Variants in ANO8 observed in about 807,000 individuals in gnomAD.
ANO8 encodes the protein anoctamin 8, also known as anoctamin-8.
Under a neutral mutation model 120.4 loss-of-function variants are expected in ANO8, and 67 were observed. That is an observed-to-expected ratio of 0.56 (90% confidence interval 0.46 to 0.68). The LOEUF is 0.68. Ranked by LOEUF, ANO8 falls within the 30% of genes least tolerant of loss-of-function variation. The pLI, the probability that ANO8 is intolerant of heterozygous loss-of-function variation, is 0.00. For synonymous variants in ANO8, 727 were observed against 759.2 expected, an observed-to-expected ratio of 0.96 and a Z score of 0.70; for missense variants, 1,526 against 1,737.6, an observed-to-expected ratio of 0.88 and a Z score of 2.16.
rs1296547609 is a variant in ANO8 at position 17,324,711 on chromosome 19, T to C, written c.3331+6A>G. 2 of 1,519,122 alleles carry C rather than the reference T, an allele frequency of 1.3e-6. No homozygotes were observed. The highest frequency in any genetic ancestry group is 1.4e-5 in the African/African-American group (1 of 71,792). The allele number at this position is 1,519,122 out of a possible 1,614,324, so 94.1% of individuals were successfully genotyped here. ...GCGTCCCCACCCCCGAGTTAAAGCTTGTGACCTGAGCCTTCCTCTTCGGGC... is the reference window on the plus strand; with the variant it reads ...GCGTCCCCACCCCCGAGTTAAAGCTCGTGACCTGAGCCTTCCTCTTCGGGC... On this transcript the variant is annotated splice_donor_region_variant and intron_variant, in intron 17 of 17. Coordinates refer to ENST00000159087, the MANE Select transcript of ANO8 (RefSeq NM_020959.3).
chr19:17,327,372 C>A, intron 15 of ANO8, 27 bp from the exon 16 acceptor site: 1 of 1,550,200 alleles, frequency 6.5e-7, no homozygotes, highest in Non-Finnish European at 8.7e-7. Context: ...GAGGAGGCTG[C>A]AGGCTGCAGA....
chr19:17,331,183 C>A lies in ANO8; in HGVS notation c.736G>T (p.Ala246Ser), dbSNP rs368734165. The change falls in exon 7 of 18, where the codon GCC becomes TCC. Residue 246 changes from alanine to serine, a missense_variant. This residue lies in a region of ANO8 where 322 missense variants were observed against 431.8 expected (regional missense o/e 0.75). Coordinates refer to ENST00000159087, the MANE Select transcript of ANO8 (RefSeq NM_020959.3). ...AAGCCCAGCCAGGCGAAGTACATGG[C>A]AATTTTCACACCAAAGTAATCACAG... ...DICDYFGVKI[A>S]MYFAWLGFYT... The A allele has an allele frequency of 3.1e-6, 5 of 1,614,064 alleles. No homozygotes were observed. In the African/African-American group the frequency reaches 4.0e-5, roughly 13 times the overall value.
Position 17,330,005 on chromosome 19 carries a change from C to T in ANO8, c.1283G>A (p.Arg428Gln). The change falls in exon 11 of 18, where the codon CGG becomes CAG. Residue 428 changes from arginine (R) to glutamine (Q), a missense_variant. Arg to Gln is a conservative substitution (Grantham distance 43). Around this residue, in one of 8 missense-constraint regions of ANO8, gnomAD observed 23 missense variants for 53.3 expected, o/e 0.43. Transcript: ENST00000159087. Reference sequence around the variant, plus strand: ...GTGCTTCTCATAGGCGCTCTCCAGCCGGTAATTTTCTAGGGGCCAAGGGGG... The same window carrying T: ...GTGCTTCTCATAGGCGCTCTCCAGCTGGTAATTTTCTAGGGGCCAAGGGGG... ...AIWLNDMENYRLESAYEKHLI... is the reference protein window; with the variant it reads ...AIWLNDMENYQLESAYEKHLI... 1.2e-6 allele frequency: 2 copies of T among 1,613,936 alleles called. No homozygotes were observed. Among genetic ancestry groups the T allele is most frequent in the South Asian group, 1.1e-5 (1 of 91,066 alleles).
chr19:17,328,767 C>T lies in ANO8; in HGVS notation c.1621G>A (p.Gly541Arg), dbSNP rs2074295021. ...CCCCCGCTGAGGCACCTGCGGCCCC[C>T]GCCCCCGCTGCCGCCGCCCCCGCCC... ...DEGGGGGSGG[G>R]GRRCLSGGCG... is the part of the protein sequence containing the mutation. Residue 541 changes from glycine to arginine, a missense_variant, in exon 13 of 18, where the codon GGG (glycine) becomes AGG (arginine). Transcript: ENST00000159087. 7.6e-7 allele frequency: 1 copy of T among 1,322,972 alleles called. No individual in the cohort carries two copies. Among genetic ancestry groups the T allele is most frequent in the African/African-American group, 1.5e-5 (1 of 64,770 alleles). 82.0% of individuals were successfully genotyped at this position (1,322,972 alleles called of 1,614,324 possible).
At position 17,334,739 on chromosome 19, in the gene ANO8, G is replaced by A; in HGVS notation, c.-69C>T. ...CGGGGAGCCGCGGGCTCATGGGGCC[G>A]GTGCAGCCGCGGAGCGCGCGGGAGG... On this transcript the variant is annotated 5_prime_UTR_variant, in exon 1 of 18. Coordinates refer to ENST00000159087, the MANE Select transcript of ANO8 (RefSeq NM_020959.3). The A allele has an allele frequency of 7.8e-7, 1 of 1,275,874 alleles. No individual in the cohort carries two copies. The highest frequency in any genetic ancestry group is 1.0e-6 in the Non-Finnish European group (1 of 987,876). The allele number at this position is 1,275,874 out of a possible 1,614,324, so 79.0% of individuals were successfully genotyped here.
intron 6 of ANO8, 35 bp from the exon 7 acceptor site, chr19:17,331,250 G>T: frequency 6.2e-7 from 1 of 1,614,156 alleles, no homozygotes; most frequent in Non-Finnish European, 8.5e-7. Flanking sequence ...GTCACCCCCT[G>T]CCTGTCTGCT....
At position 17,333,646 on chromosome 19, in the gene ANO8, G is replaced by A. The variant is rs1464521848; in HGVS notation, c.217+44C>T. On this transcript the variant is annotated intron_variant, in intron 2 of 17. Coordinates refer to ENST00000159087, the MANE Select transcript of ANO8 (RefSeq NM_020959.3). This position sits in a 1 kb window ranked among gnomAD's most constrained non-coding sequence, Gnocchi z 7.2. ...GTTCTGGGAAGCCGAGCTCAGGAGA[G>A]CCGCATCTGGGCACTGGGCGGGCGG... 2.6e-6 allele frequency: 4 copies of A among 1,541,046 alleles called. No homozygotes were observed. The highest frequency in any genetic ancestry group is 3.5e-6 in the Non-Finnish European group (4 of 1,138,254).
Position 17,323,495 on chromosome 19 carries a change from A to G in ANO8, c.*22T>C. The G allele has an allele frequency of 7.8e-7, 1 of 1,289,688 alleles. No individual in the cohort carries two copies. The highest frequency in any genetic ancestry group is 3.0e-4 in the Middle Eastern group (1 of 3,362). 79.9% of individuals were successfully genotyped at this position (1,289,688 alleles called of 1,614,324 possible). A position where few individuals can be genotyped will look rare whatever the true frequency, so the allele number is the denominator to read the frequency against. On this transcript the variant is annotated 3_prime_UTR_variant, in exon 18 of 18. Transcript: ENST00000159087. ...TGAATGACTGATATTGCATATGAGA[A>G]GAGAAGGCAGGGCGGGTAGAGCTAA...
At chr19:17,324,316 C>A (rs1282412382) in intron 17 of ANO8, among the ~76,000 whole-genome samples, 1 of 152,042 alleles carries the variant, frequency 6.6e-6, no homozygotes, top group African/African-American at 2.4e-5. Flanking sequence ...CCTTCCTGAA[C>A]AGCTGGGCTG....
chr19:17,328,041 C>G (rs1327851645), intron 13 of ANO8, 121 bp downstream of exon 13: 1 of 1,357,630 alleles, frequency 7.4e-7, no homozygotes, highest in Non-Finnish European at 9.9e-7. Context: ...TCCTCTCCTG[C>G]AGCATCCCAA....
chr19:17,334,339 G>A (rs1198763046), intron 1 of ANO8, among the ~76,000 whole-genome samples: 1 of 152,198 alleles, frequency 6.6e-6, no homozygotes, highest in Non-Finnish European at 1.5e-5. Context: ...CGCAGCCCAA[G>A]CCTGGGGCTC....
chr19:17,330,111 CT>C lies in ANO8; in HGVS notation c.1273+13del, dbSNP rs761131078. 5.8e-5 allele frequency: 94 copies of C among 1,614,032 alleles called. No individual in the cohort carries two copies. In the South Asian group the frequency reaches 9.6e-4, roughly 16 times the overall value. On this transcript the variant is annotated intron_variant, in intron 10 of 17. Transcript: ENST00000159087. ...TGGAGACCTTCCTCCCAGAGACCCC[CT>C]GGCAGGTCGTACCCATGTCATTGAG...
intron 5 of ANO8, 116 bp downstream of exon 5, chr19:17,332,814 T>A: frequency 8.4e-7 from 1 of 1,190,422 alleles, no homozygotes; most frequent in East Asian, 2.4e-5. Context: ...TTCCTAACTC[T>A]TTGCCAACCC....
intron 16 of ANO8, among the ~76,000 whole-genome samples, chr19:17,325,600 T>C (rs2074269300): frequency 6.6e-6 from 1 of 152,290 alleles, no homozygotes; most frequent in African/African-American, 2.4e-5. Context: ...CCCAGATACA[T>C]GATCAGCCTC....
In ANO8 at chr19:17,323,379, A is replaced by G; in HGVS notation, c.*138T>C. 1 of 737,934 alleles carries G rather than the reference A, an allele frequency of 1.4e-6. No individual in the cohort carries two copies. Among genetic ancestry groups the G allele is most frequent in the East Asian group, 3.2e-5 (1 of 31,626 alleles). 45.7% of individuals were successfully genotyped at this position (737,934 alleles called of 1,614,324 possible). On this transcript the variant is annotated 3_prime_UTR_variant, in exon 18 of 18. Transcript: ENST00000159087. ...GATTTGTGGGTTTCCTTTCGTTTGG[A>G]AAGGAAAACGGCAGATGGGGGGCAC... is the stretch of plus-strand genomic sequence containing the variant.
intron 13 of ANO8, 68 bp from the exon 14 acceptor site, chr19:17,327,948 C>T: frequency 6.4e-7 from 1 of 1,564,484 alleles, no homozygotes; most frequent in Non-Finnish European, 8.7e-7. Flanking sequence ...ATTGAGCCCG[C>T]CTCCCTCAGA....
intron 5 of ANO8, 126 bp from the exon 6 acceptor site, chr19:17,331,537 G>A: frequency 1.3e-6 from 1 of 790,188 alleles, no homozygotes; most frequent in Non-Finnish European, 2.1e-6. Context: ...CTCTTTCCAG[G>A]GGAGAAGTTC....
At chr19:17,323,911 G>C (rs2145682309) in intron 17 of ANO8, 27 bp from the exon 18 acceptor site, 1 of 1,112,822 alleles carries the variant, frequency 9.0e-7, no homozygotes, top group East Asian at 5.0e-5. Context: ...GGCCGTTCCG[G>C]GGGGATGCCG....
rs376356253 is a variant in ANO8, at chr19:17,333,520, C to T, written c.252G>A (p.Leu84=). The T allele has an allele frequency of 3.9e-5, 63 of 1,612,894 alleles. No homozygotes were observed. The highest frequency in any genetic ancestry group is 4.8e-5 in the Non-Finnish European group (57 of 1,179,996). Residue 84 remains leucine (L), a synonymous_variant, in exon 3 of 18, where the codon CTG becomes CTA. Coordinates refer to ENST00000159087, the MANE Select transcript of ANO8 (RefSeq NM_020959.3). The surrounding 1 kb of genome is among the most constrained non-coding windows in gnomAD (Gnocchi z 7.2). The stretch of plus-strand genomic sequence containing the variant: ...CGGGAATGCCCACGCGGATGTGGTT[C>T]AGCAGCCATAGCAGCGTGTGGTCAT... ...TTDDHTLLWL[L]NHIRVGIPEL... is the part of the protein sequence containing the mutation.
Sources: allele counts gnomAD v4.1 joint callset (sites outside exome capture counted in the v4.1 genomes callset), GRCh38; gene constraint gnomAD v4.1.1; regional missense constraint gnomAD v4.1.1; non-coding constraint Gnocchi (gnomAD v3.1); transcripts MANE v1.5; gene names NCBI Gene and HGNC (gene_info 2026-07-23, HGNC 2026-07-21).